KCNAB1: variants seen among roughly 807,000 people sequenced by gnomAD.
KCNAB1 encodes the protein potassium voltage-gated channel subfamily A regulatory beta subunit 1.
A neutral mutation model predicts 64.6 loss-of-function variants in KCNAB1; 35 were observed. The observed-to-expected ratio is 0.54, with a 90% confidence interval of 0.41 to 0.72. The LOEUF (loss-of-function observed/expected upper bound fraction) is 0.72, where lower values mean the gene tolerates loss of function less well. KCNAB1 is among the 30% of genes least tolerant of loss of function. KCNAB1 has a pLI of 0.00. For synonymous variants in KCNAB1, 177 were observed against 183.8 expected (o/e 0.96, Z 0.30); for missense variants, 401 against 512.9 (o/e 0.78, Z 2.11).
At chr3:156,408,697 T>C (rs1044547839) in intron 1 of KCNAB1, among the ~76,000 whole-genome samples, 2 of 151,888 alleles carry the variant, frequency 1.3e-5, no homozygotes, top group Non-Finnish European at 2.9e-5. Context: ...GGAGAATCAC[T>C]TGAACCTGGG....
At chr3:156,196,095 G>A (rs1039253811) in intron 1 of KCNAB1, among the ~76,000 whole-genome samples, 1 of 152,168 alleles carries the variant, frequency 6.6e-6, no homozygotes, top group Non-Finnish European at 1.5e-5. Context: ...TCACATGATT[G>A]TAGATGTGTG....
chr3:156,139,887 C>T (rs963355893), intron 1 of KCNAB1, among the ~76,000 whole-genome samples: 2 of 152,066 alleles, frequency 1.3e-5, no homozygotes, highest in African/African-American at 4.8e-5. Context: ...TTAAGAGGTA[C>T]ACTTGCAAGA....
upstream of KCNAB1, chr3:156,118,333 T>C (rs1373960609): frequency 2.2e-6 from 1 of 455,608 alleles, no homozygotes; most frequent in Non-Finnish European, 4.4e-6. Flanking sequence ...AGCAAGGCAA[T>C]GTTAAGGTAA....
intron 1 of KCNAB1, among the ~76,000 whole-genome samples, chr3:156,178,675 G>GT (rs1712560105): frequency 6.6e-6 from 1 of 152,062 alleles, no homozygotes; most frequent in Non-Finnish European, 1.5e-5. Flanking sequence ...GAATGAATGC[G>GT]TTTTTTTACT....
At chr3:156,232,106 C>A (rs1328864503) in intron 1 of KCNAB1, among the ~76,000 whole-genome samples, 2 of 152,118 alleles carry the variant, frequency 1.3e-5, no homozygotes, top group Non-Finnish European at 2.9e-5. Context: ...AACACTTCTT[C>A]AGCTAAATAT....
chr3:156,241,649 G>C (rs551439266), intron 1 of KCNAB1, among the ~76,000 whole-genome samples: 1 of 152,298 alleles, frequency 6.6e-6, no homozygotes, highest in African/African-American at 2.4e-5. Context: ...TGCTTCTGTG[G>C]TGCTGCTCTT....
chr3:156,156,224 G>A (rs1257101649), intron 1 of KCNAB1, among the ~76,000 whole-genome samples: 1 of 152,126 alleles, frequency 6.6e-6, no homozygotes, highest in African/African-American at 2.4e-5. Flanking sequence ...AGGAGTTGGG[G>A]GCAAGGAGCT....
intron 1 of KCNAB1, among the ~76,000 whole-genome samples, chr3:156,234,352 G>C (rs1459580376): frequency 1.3e-5 from 2 of 152,112 alleles, no homozygotes; most frequent in African/African-American, 4.8e-5. Context: ...AGAAGGAGAA[G>C]AGAGAACTGC....
chr3:156,136,858 T>C (rs190179085), intron 1 of KCNAB1, among the ~76,000 whole-genome samples: 70 of 152,326 alleles, frequency 4.6e-4, no homozygotes, highest in Non-Finnish European at 9.1e-4. Context: ...GGAGAGTTTT[T>C]GCTACAGATG....
At chr3:156,449,710 A>G (rs750691884) in intron 2 of KCNAB1, among the ~76,000 whole-genome samples, 2 of 152,218 alleles carry the variant, frequency 1.3e-5, no homozygotes, top group Non-Finnish European at 2.9e-5. Flanking sequence ...ATTTTATGGT[A>G]TCTTCATTTC....
At chr3:156,134,480 C>A (rs1294072383) in intron 1 of KCNAB1, among the ~76,000 whole-genome samples, 1 of 152,254 alleles carries the variant, frequency 6.6e-6, no homozygotes, top group African/African-American at 2.4e-5. Context: ...GGTACTCAAC[C>A]AGGAGGTTTG....
At chr3:156,321,002 TACAA>T (rs1002837500) in intron 1 of KCNAB1, among the ~76,000 whole-genome samples, 7 of 152,120 alleles carry the variant, frequency 4.6e-5, no homozygotes, top group African/African-American at 1.2e-4. Flanking sequence ...GGGTCACACT[TACAA>T]ACAAACAGAC....
intron 7 of KCNAB1, among the ~76,000 whole-genome samples, chr3:156,468,877 A>G (rs1461712163): frequency 5.9e-5 from 9 of 152,214 alleles, no homozygotes; most frequent in Admixed American, 6.5e-5. Context: ...AGTCAAAGCT[A>G]AGCTGCCTCT....
intron 1 of KCNAB1, among the ~76,000 whole-genome samples, chr3:156,294,205 C>T (rs761399218): frequency 2.0e-5 from 3 of 152,188 alleles, no homozygotes; most frequent in African/African-American, 2.4e-5. Context: ...GAGCAAGGTT[C>T]GCTTGGGCAC....
intron 2 of KCNAB1, among the ~76,000 whole-genome samples, chr3:156,444,775 TAAA>T (rs1717276878): frequency 6.6e-6 from 1 of 152,188 alleles, no homozygotes; most frequent in Non-Finnish European, 1.5e-5. Context: ...CTGCATGAAA[TAAA>T]GAAGGTTAAG....
chr3:156,335,749 T>G (rs1399404737), intron 1 of KCNAB1, among the ~76,000 whole-genome samples: 1 of 152,114 alleles, frequency 6.6e-6, no homozygotes, highest in Non-Finnish European at 1.5e-5. Context: ...TGACATGAGC[T>G]TATAATAAAA....
chr3:156,376,567 T>G (rs1170836554), intron 1 of KCNAB1, among the ~76,000 whole-genome samples: 1 of 152,198 alleles, frequency 6.6e-6, no homozygotes, highest in Non-Finnish European at 1.5e-5. Context: ...GTGGTTTTAA[T>G]AAGCACAGTT....
intron 1 of KCNAB1, among the ~76,000 whole-genome samples, chr3:156,338,797 C>T (rs1213534299): frequency 6.6e-6 from 1 of 152,162 alleles, no homozygotes; most frequent in Non-Finnish European, 1.5e-5. Context: ...AGAGCATTCT[C>T]CTCCTTGCTC....
At chr3:156,514,975 G>A (rs1424055583) in intron 9 of KCNAB1, 125 bp from the exon 10 acceptor site, 1 of 881,584 alleles carries the variant, frequency 1.1e-6, no homozygotes, top group East Asian at 2.8e-5. Context: ...CTTATTATTT[G>A]GCATCCTACA....
Sources: gnomAD v4.1 joint callset for allele counts (sites outside exome capture counted in the v4.1 genomes callset) on GRCh38, gnomAD v4.1.1 for gene constraint, MANE v1.5 for transcripts, NCBI Gene and HGNC (gene_info 2026-07-23, HGNC 2026-07-21) for gene names.